The following RUBCN variants were observed in gnomAD, a reference collection of about 807,000 sequenced individuals.
RUBCN encodes run domain Beclin-1-interacting and cysteine-rich domain-containing protein.
RUBCN carries 74 observed loss-of-function variants against 113.2 expected under a neutral mutation model. That is an observed-to-expected ratio of 0.65 (90% CI 0.54 to 0.79). The LOEUF is 0.79. Among genes scored for constraint, RUBCN ranks in the 30% least tolerant of loss-of-function variants. The probability of loss-of-function intolerance (pLI) is 0.00; values close to 1 mark genes in which losing one functional copy is unlikely to be tolerated. For synonymous variants in RUBCN, 480 were observed against 490.0 expected (o/e 0.98, Z 0.27); for missense variants, 1,109 against 1,251.7 (o/e 0.89, Z 1.72).
intron 11 of RUBCN, among the ~76,000 whole-genome samples, chr3:197,686,692 C>T (rs1342774535): frequency 6.6e-6 from 1 of 152,140 alleles, no homozygotes; most frequent in Non-Finnish European, 1.5e-5. Context: ...TCAACGTGTC[C>T]CAAGTGAGAG....
intron 10 of RUBCN, chr3:197,694,165 C>A (rs946944575): frequency 1.5e-6 from 1 of 682,718 alleles, no homozygotes; most frequent in Non-Finnish European, 2.7e-6. Flanking sequence ...TGCTGGGATT[C>A]CAGGCGTGAG....
chr3:197,675,516 C>T lies in RUBCN; in HGVS notation c.2647-1G>A. Reference sequence around the variant, plus strand: ...AGATGAAGCCTTTGGCTTGGCAGAGCTGGGGAGGAAAAACACAGATGGCAA... The same window carrying T: ...AGATGAAGCCTTTGGCTTGGCAGAGTTGGGGAGGAAAAACACAGATGGCAA... On this transcript the variant is annotated splice_acceptor_variant, in intron 18 of 19. Transcript: ENST00000296343. LOFTEE classifies it high-confidence loss of function. This position sits in a 1 kb window ranked among gnomAD's most constrained non-coding sequence, Gnocchi z 4.4. 1.2e-6 allele frequency: 2 copies of T among 1,612,906 alleles called. No homozygotes were observed. Among genetic ancestry groups the T allele is most frequent in the Non-Finnish European group, 1.7e-6 (2 of 1,179,106 alleles).
intron 1 of RUBCN, among the ~76,000 whole-genome samples, chr3:197,727,241 A>G (rs1726866764): frequency 6.6e-6 from 1 of 152,226 alleles, no homozygotes; most frequent in South Asian, 2.1e-4. Flanking sequence ...CACCTGGCCT[A>G]GATCCACATT....
intron 4 of RUBCN, among the ~76,000 whole-genome samples, chr3:197,703,915 T>C (rs1723990233): frequency 6.6e-6 from 1 of 152,054 alleles, no homozygotes; most frequent in African/African-American, 2.4e-5. Context: ...GCCCTGTGGA[T>C]TGGAAACAGT....
rs1442623750 is a variant in RUBCN, at chr3:197,674,880, T to C, written c.*138A>G. ...TGCACACAGACGTCAGACAAGTCAG[T>C]AAAAAAAAAAAAAAAGATGATGATA... is the stretch of plus-strand genomic sequence containing the variant. On this transcript the variant is annotated 3_prime_UTR_variant, in exon 20 of 20. Transcript: ENST00000296343. 5 of 394,872 alleles carry C rather than the reference T, an allele frequency of 1.3e-5. No individual in the cohort carries two copies. The highest frequency in any genetic ancestry group is 1.9e-5 in the Non-Finnish European group (5 of 260,670). The allele number at this position is 394,872 out of a possible 1,614,324, so 24.5% of individuals were successfully genotyped here. A position where few individuals can be genotyped will look rare whatever the true frequency, so the allele number is the denominator to read the frequency against.
chr3:197,739,087 T>A (rs1166115752), upstream of RUBCN, among the ~76,000 whole-genome samples: 2 of 151,556 alleles, frequency 1.3e-5, no homozygotes, highest in Non-Finnish European at 2.9e-5. Flanking sequence ...ATTACAGGCA[T>A]CCGCCACCAC....
chr3:197,732,504 G>A (rs927892396), intron 1 of RUBCN, among the ~76,000 whole-genome samples: 2 of 152,060 alleles, frequency 1.3e-5, no homozygotes, highest in African/African-American at 2.4e-5. Flanking sequence ...TAGTAGAGAC[G>A]GGGTTTCACT....
intron 1 of RUBCN, among the ~76,000 whole-genome samples, chr3:197,735,863 T>TA (rs2109013872): frequency 6.6e-6 from 1 of 152,298 alleles, no homozygotes; most frequent in African/African-American, 2.4e-5. Context: ...GTGCTGGAAT[T>TA]ACAGGTGTGA....
intron 11 of RUBCN, among the ~76,000 whole-genome samples, chr3:197,692,573 G>C (rs1722541073): frequency 6.6e-6 from 1 of 152,026 alleles, no homozygotes; most frequent in Admixed American, 6.6e-5. Flanking sequence ...GCTAACTCCA[G>C]GTAGTTAGTG....
chr3:197,708,451 T>G (rs1392652266), intron 2 of RUBCN, among the ~76,000 whole-genome samples: 2 of 150,846 alleles, frequency 1.3e-5, no homozygotes, highest in Non-Finnish European at 2.9e-5. Context: ...GTAAACAACT[T>G]GAACATTTAT....
chr3:197,745,149 G>A (rs1728684067), intron 1 of RUBCN, among the ~76,000 whole-genome samples: 1 of 151,940 alleles, frequency 6.6e-6, no homozygotes, highest in Non-Finnish European at 1.5e-5. Context: ...GCCAGGCGTG[G>A]TGGCACGCAC....
intron 2 of RUBCN, among the ~76,000 whole-genome samples, chr3:197,711,998 A>G (rs930432108): frequency 6.6e-6 from 1 of 152,096 alleles, no homozygotes; most frequent in Non-Finnish European, 1.5e-5. Flanking sequence ...TATTTTCTGA[A>G]TTTTCAACAA....
chr3:197,678,198 A>C (rs1237267753), intron 16 of RUBCN, among the ~76,000 whole-genome samples: 9 of 147,804 alleles, frequency 6.1e-5, no homozygotes, highest in Non-Finnish European at 1.0e-4. Flanking sequence ...TAACTCGACA[A>C]CTGGCTTCAG....
chr3:197,687,224 GA>G (rs1580192592), intron 11 of RUBCN, among the ~76,000 whole-genome samples: 2 of 152,136 alleles, frequency 1.3e-5, no homozygotes, highest in East Asian at 3.8e-4. Context: ...GACTCAAAAG[GA>G]AACACTTCAA....
intron 16 of RUBCN, among the ~76,000 whole-genome samples, chr3:197,677,912 A>G (rs1302863240): frequency 3.5e-5 from 5 of 141,624 alleles, no homozygotes; most frequent in Non-Finnish European, 7.6e-5. Flanking sequence ...ACTGTCCCAC[A>G]CTCTGACTGA....
intron 4 of RUBCN, among the ~76,000 whole-genome samples, chr3:197,704,186 G>C (rs888766030): frequency 6.6e-6 from 1 of 152,242 alleles, no homozygotes; most frequent in African/African-American, 2.4e-5. Context: ...TGTAATCCCA[G>C]CACTTTGGGA....
rs778572607 is a variant in RUBCN, at chr3:197,736,650, C to A, written c.65+5G>T. The A allele has an allele frequency of 3.3e-6, 5 of 1,532,524 alleles. No homozygotes were observed. The highest frequency in any genetic ancestry group is 4.4e-6 in the Non-Finnish European group (5 of 1,146,182). 94.9% of individuals were successfully genotyped at this position (1,532,524 alleles called of 1,614,324 possible). A position where few individuals can be genotyped will look rare whatever the true frequency, so the allele number is the denominator to read the frequency against. On this transcript the variant is annotated splice_donor_5th_base_variant and intron_variant, in intron 1 of 19. Transcript: ENST00000296343. ...GCCCCGACTCCGCGGCGGCTCCCAG[C>A]CCACCTGCTCTCCTCAGGCAGGCGC...
chr3:197,720,969 G>A (rs550055214), intron 1 of RUBCN, among the ~76,000 whole-genome samples: 1 of 151,922 alleles, frequency 6.6e-6, no homozygotes, highest in Non-Finnish European at 1.5e-5. Flanking sequence ...CACCGACACC[G>A]GCTATCTTCT....
upstream of RUBCN, among the ~76,000 whole-genome samples, chr3:197,740,066 A>G (rs531621641): frequency 2.2e-4 from 33 of 152,206 alleles, 1 homozygote; most frequent in South Asian, 6.8e-3. Flanking sequence ...TCCAAAAACT[A>G]AAATTGTAGC....
Sources: gnomAD v4.1 joint callset for allele counts (sites outside exome capture counted in the v4.1 genomes callset) on GRCh38, gnomAD v4.1.1 for gene constraint, Gnocchi (gnomAD v3.1) non-coding constraint, MANE v1.5 for transcripts, NCBI Gene and HGNC (gene_info 2026-07-23, HGNC 2026-07-21) for gene names.